SMG1: variants seen among roughly 807,000 people sequenced by gnomAD.
SMG1 encodes the protein serine/threonine-protein kinase SMG1.
Under a neutral mutation model 419.9 loss-of-function variants are expected in SMG1, and 22 were observed. That is an observed-to-expected ratio of 0.05 (90% CI 0.04 to 0.07). SMG1 has a LOEUF of 0.07. Among genes scored for constraint, SMG1 ranks in the 10% least tolerant of loss-of-function variants. The pLI, the probability that SMG1 is intolerant of heterozygous loss-of-function variation, is 1.00. For missense variants in SMG1, 3,185 were observed against 4,342.0 expected (o/e 0.73, Z 7.49); for synonymous variants, 1,538 against 1,553.5 (o/e 0.99, Z 0.23).
In SMG1 at chr16:18,836,538, CAG is replaced by C; in HGVS notation, c.7605-8_7605-7del. On this transcript the variant is annotated splice_polypyrimidine_tract_variant and splice_region_variant and intron_variant, in intron 46 of 62. Transcript: ENST00000446231. ...GTTGGGTGTGCTCAGAATACCTAAT[CAG>C]GGGGACACAAACAAAATCAAAAGAT... 1 of 1,609,800 alleles carries C rather than the reference CAG, an allele frequency of 6.2e-7. No individual in the cohort carries two copies. Among genetic ancestry groups the C allele is most frequent in the Non-Finnish European group, 8.5e-7 (1 of 1,178,722 alleles).
At chr16:18,862,914 G>A (rs1444729071) in intron 25 of SMG1, among the ~76,000 whole-genome samples, 1 of 152,232 alleles carries the variant, frequency 6.6e-6, no homozygotes, top group African/African-American at 2.4e-5. Context: ...TGATGGGCAT[G>A]CCTTGACCTT....
intron 55 of SMG1, among the ~76,000 whole-genome samples, chr16:18,827,458 A>C (rs1596473328): frequency 2.0e-5 from 3 of 146,670 alleles, no homozygotes; most frequent in African/African-American, 7.4e-5. Flanking sequence ...AAATATACCT[A>C]TATATATATA....
chr16:18,887,516 C>CTTTTTTTTTTTTTT (rs574179061), intron 6 of SMG1, among the ~76,000 whole-genome samples: 3 of 110,140 alleles, frequency 2.7e-5, no homozygotes, highest in Admixed American at 1.1e-4. Flanking sequence ...TTTTTTTTTC[C>CTTTTTTTTTTTTTT]TTTTTTTTTT....
chr16:18,829,370 A>G lies in SMG1; in HGVS notation c.9519T>C (p.His3173=). ...TGGTTTCTAGCCTTCGCACCAAGTC[A>G]TGCTTCTTCCAGGCAGTGTCGTAAG... ...ASSYDTAWKK[H]DLVRRLETSI... The change falls in exon 54 of 63, where the codon CAT becomes CAC. Residue 3173 remains histidine, a synonymous_variant. Coordinates refer to ENST00000446231, the MANE Select transcript of SMG1 (RefSeq NM_015092.5). 2 of 1,614,020 alleles carry G rather than the reference A, an allele frequency of 1.2e-6. No individual in the cohort carries two copies. Among genetic ancestry groups the G allele is most frequent in the Non-Finnish European group, 1.7e-6 (2 of 1,179,890 alleles).
At chr16:18,921,993 G>A (rs1294603561) in intron 1 of SMG1, among the ~76,000 whole-genome samples, 1 of 152,182 alleles carries the variant, frequency 6.6e-6, no homozygotes, top group Non-Finnish European at 1.5e-5. Flanking sequence ...AAACAAGTAA[G>A]ACCAATTACA....
At chr16:18,912,824 C>T (rs1188608418) in intron 1 of SMG1, among the ~76,000 whole-genome samples, 1 of 152,080 alleles carries the variant, frequency 6.6e-6, no homozygotes, top group Non-Finnish European at 1.5e-5. Flanking sequence ...ACTACGACTT[C>T]AGGTTGATTC....
intron 56 of SMG1, 134 bp downstream of exon 56, chr16:18,819,368 T>C: frequency 2.3e-6 from 2 of 867,784 alleles, no homozygotes; most frequent in South Asian, 1.7e-5. Context: ...GAAAGGCCCA[T>C]CCGTCCCTCC....
Position 18,806,461 on chromosome 16 carries a change from A to C in SMG1, c.*3108T>G, listed in dbSNP as rs1036638515. The C allele has an allele frequency of 6.6e-6, 1 of 152,548 alleles. No homozygotes were observed. Among genetic ancestry groups the C allele is most frequent in the Non-Finnish European group, 1.5e-5 (1 of 68,044 alleles). The allele number at this position is 152,548 out of a possible 1,614,324, so 9.4% of individuals were successfully genotyped here. A position where few individuals can be genotyped will look rare whatever the true frequency, so the allele number is the denominator to read the frequency against. On this transcript the variant is annotated 3_prime_UTR_variant, in exon 63 of 63. Coordinates refer to ENST00000446231, the MANE Select transcript of SMG1 (RefSeq NM_015092.5). The stretch of plus-strand genomic sequence containing the variant: ...GCAACTCACCACAAGTGTCAGACAC[A>C]AAAGAATCTTAATAATCATCTAGCA...
intron 29 of SMG1, among the ~76,000 whole-genome samples, chr16:18,855,500 C>T (rs2034847071): frequency 6.6e-6 from 1 of 152,192 alleles, no homozygotes. Context: ...GTCATCTACA[C>T]TCTATTTATT....
At chr16:18,916,285 G>A (rs2037974139) in intron 1 of SMG1, among the ~76,000 whole-genome samples, 1 of 151,592 alleles carries the variant, frequency 6.6e-6, no homozygotes, top group Non-Finnish European at 1.5e-5. Flanking sequence ...GGAGGCCAAG[G>A]TGGGCGGATC....
intron 9 of SMG1, among the ~76,000 whole-genome samples, chr16:18,883,529 A>G (rs1239797154): frequency 3.3e-5 from 5 of 152,390 alleles, no homozygotes; most frequent in African/African-American, 9.6e-5. Flanking sequence ...ACCAGCTACC[A>G]AGAGTATGTA....
intron 5 of SMG1, among the ~76,000 whole-genome samples, chr16:18,890,182 C>G (rs1263639177): frequency 6.6e-6 from 1 of 152,166 alleles, no homozygotes; most frequent in East Asian, 1.9e-4. Flanking sequence ...TGGATCCACT[C>G]TTACCCAAAG....
chr16:18,879,432 A>G (rs1204079606), intron 11 of SMG1, 63 bp downstream of exon 11: 1 of 1,253,466 alleles, frequency 8.0e-7, no homozygotes, highest in African/African-American at 1.5e-5. Context: ...TTAATTTCTT[A>G]CATATCGATT....
At chr16:18,905,424 T>A (rs535018529) in intron 1 of SMG1, among the ~76,000 whole-genome samples, 1 of 152,178 alleles carries the variant, frequency 6.6e-6, no homozygotes, top group South Asian at 2.1e-4. Context: ...AACACACCAC[T>A]GAAGCTATTC....
At chr16:18,892,600 G>A (rs1359372897) in intron 3 of SMG1, among the ~76,000 whole-genome samples, 1 of 152,092 alleles carries the variant, frequency 6.6e-6, no homozygotes, top group Non-Finnish European at 1.5e-5. Context: ...AGCCAAGGTG[G>A]TGTGCACCTG....
At chr16:18,890,952 C>G (rs758643228) in intron 4 of SMG1, 31 bp from the exon 5 acceptor site, 29 of 1,011,282 alleles carry the variant, frequency 2.9e-5, no homozygotes, top group Non-Finnish European at 4.4e-5. Flanking sequence ...ATAAAAACTT[C>G]AAATTCCTAT....
rs2034354711 is a variant in SMG1 at position 18,847,821 on chromosome 16, A to G, written c.5836T>C (p.Leu1946=). 6.2e-7 allele frequency: 1 copy of G among 1,613,556 alleles called. No individual in the cohort carries two copies. Among genetic ancestry groups the G allele is most frequent in the South Asian group, 1.1e-5 (1 of 90,984 alleles). Reference sequence around the variant, plus strand: ...ACATGTGAGTTTCTTTGTACCTGTAATACCATGGTGGGGTTTGCAGAGGAC... The same window carrying G: ...ACATGTGAGTTTCTTTGTACCTGTAGTACCATGGTGGGGTTTGCAGAGGAC... ...KLSSANPTMV[L]QVQMLVAELR... is the part of the protein sequence containing the mutation. Residue 1946 remains leucine (L), a synonymous_variant, in exon 37 of 63, where the codon TTA becomes CTA. Transcript: ENST00000446231.
intron 55 of SMG1, among the ~76,000 whole-genome samples, chr16:18,821,241 C>CTTTTTTTTTTCTTTTTTTTTTTTTT (rs2032529678): frequency 3.1e-5 from 1 of 31,890 alleles, no homozygotes; most frequent in East Asian, 5.5e-4. Context: ...TTTTTTTTTT[C>CTTTTTTTTTTCTTTTTTTTTTTTTT]TTTTTTTTTT....
intron 1 of SMG1, 89 bp from the exon 2 acceptor site, chr16:18,897,045 A>G: frequency 1.1e-6 from 1 of 879,066 alleles, no homozygotes; most frequent in East Asian, 2.7e-5. Flanking sequence ...CAAATTTTAC[A>G]TTTAACCATT....
Sources: allele counts gnomAD v4.1 joint callset (sites outside exome capture counted in the v4.1 genomes callset), GRCh38; gene constraint gnomAD v4.1.1; transcripts MANE v1.5; gene names NCBI Gene and HGNC (gene_info 2026-07-23, HGNC 2026-07-21).